Variants in WDR93 observed in about 807,000 individuals in gnomAD.
WDR93 encodes WD repeat-containing protein 93.
WDR93 carries 73 observed loss-of-function variants against 82.9 expected under a neutral mutation model. The observed-to-expected ratio is 0.88, with a 90% confidence interval of 0.73 to 1.07. The LOEUF (loss-of-function observed/expected upper bound fraction) is 1.07. WDR93 is among the 50% of genes least tolerant of loss of function. WDR93 has a pLI of 0.00. For missense variants in WDR93, 738 were observed against 826.0 expected, an observed-to-expected ratio of 0.89 and a Z score of 1.31; for synonymous variants, 283 against 300.1, an observed-to-expected ratio of 0.94 and a Z score of 0.59.
intron 4 of WDR93, among the ~76,000 whole-genome samples, chr15:89,710,655 A>G (rs577780738): frequency 6.6e-6 from 1 of 152,358 alleles, no homozygotes; most frequent in South Asian, 2.1e-4. Context: ...TGAGACCAGC[A>G]TAACTATGAT....
At chr15:89,690,454 T>C (rs1328364084), upstream of WDR93, 8 of 687,050 alleles carry the variant, frequency 1.2e-5, no homozygotes, top group African/African-American at 1.3e-4. Context: ...CCGTAGGAGC[T>C]GGCAACGTCC....
chr15:89,726,455 T>G (rs1165437994), intron 8 of WDR93, among the ~76,000 whole-genome samples: 1 of 152,214 alleles, frequency 6.6e-6, no homozygotes. Flanking sequence ...TAGAAAATTA[T>G]GCAGTTGTCT....
At chr15:89,742,069 T>C (rs1269519560) in intron 16 of WDR93, among the ~76,000 whole-genome samples, 2 of 152,010 alleles carry the variant, frequency 1.3e-5, no homozygotes, top group South Asian at 2.1e-4. Flanking sequence ...ATTTTTAAGA[T>C]AGCATTCACC....
chr15:89,721,015 T>C (rs1966503326), intron 7 of WDR93: 1 of 152,234 alleles, frequency 6.6e-6, no homozygotes, highest in African/African-American at 2.4e-5. Flanking sequence ...TGCTTAACAA[T>C]TTGGAATGTT....
At chr15:89,713,806 A>C (rs1966114670) in intron 5 of WDR93, among the ~76,000 whole-genome samples, 1 of 152,100 alleles carries the variant, frequency 6.6e-6, no homozygotes, top group African/African-American at 2.4e-5. Context: ...TTGTGTATTC[A>C]AGGAAACTTG....
chr15:89,705,896 A>G (rs1965705152), intron 4 of WDR93, among the ~76,000 whole-genome samples: 1 of 152,186 alleles, frequency 6.6e-6, no homozygotes. Flanking sequence ...TCTAATAAGT[A>G]CTCAAAAGTC....
intron 3 of WDR93, chr15:89,704,691 C>G (rs956384211): frequency 6.6e-6 from 1 of 152,076 alleles, no homozygotes; most frequent in Non-Finnish European, 1.5e-5. Flanking sequence ...CATGTGCAGA[C>G]TTGAGGCATC....
chr15:89,692,339 C>T (rs55798942), intron 1 of WDR93, among the ~76,000 whole-genome samples: 26,152 of 152,016 alleles, frequency 0.17, 2,405 homozygotes, highest in Middle Eastern at 0.23. Context: ...GAGCATATCT[C>T]CTTGGCCCCA....
chr15:89,736,343 G>A (rs1281518853), intron 14 of WDR93, among the ~76,000 whole-genome samples: 1 of 152,172 alleles, frequency 6.6e-6, no homozygotes, highest in Non-Finnish European at 1.5e-5. Context: ...CGGAGGGTGA[G>A]GGGCCTACAG....
rs952097646 is a variant in WDR93, at chr15:89,743,544, G to A, written c.*153G>A. 16 of 672,582 alleles carry A rather than the reference G, an allele frequency of 2.4e-5. No homozygotes were observed. The highest frequency in any genetic ancestry group is 3.5e-5 in the Non-Finnish European group (14 of 398,704). The allele number at this position is 672,582 out of a possible 1,614,324, so 41.7% of individuals were successfully genotyped here. A position where few individuals can be genotyped will look rare whatever the true frequency, so the allele number is the denominator to read the frequency against. On this transcript the variant is annotated 3_prime_UTR_variant, in exon 17 of 17. Transcript: ENST00000268130. ...CTCTGCAGAGCCAGCAAGGGGAAAAGTATAATCTGGGGGACCTTCAACCAC... is the reference window on the plus strand; with the variant it reads ...CTCTGCAGAGCCAGCAAGGGGAAAAATATAATCTGGGGGACCTTCAACCAC...
At chr15:89,723,731 G>A (rs943493192) in intron 8 of WDR93, among the ~76,000 whole-genome samples, 1 of 152,224 alleles carries the variant, frequency 6.6e-6, no homozygotes, top group Non-Finnish European at 1.5e-5. Context: ...TACAGAGGCA[G>A]CGCTATGGAG....
chr15:89,699,900 T>C (rs1373575667), intron 1 of WDR93, among the ~76,000 whole-genome samples: 1 of 152,246 alleles, frequency 6.6e-6, no homozygotes, highest in Non-Finnish European at 1.5e-5. Flanking sequence ...CTTTATTGAC[T>C]CTGGTTCAGC....
chr15:89,736,520 C>G (rs1796993065), intron 14 of WDR93, among the ~76,000 whole-genome samples: 1 of 152,108 alleles, frequency 6.6e-6, no homozygotes, highest in African/African-American at 2.4e-5. Context: ...ACTACCATCA[C>G]TTACAGGACC....
chr15:89,690,685 G>A (rs1182464064), upstream of WDR93: 1 of 1,317,188 alleles, frequency 7.6e-7, no homozygotes, highest in African/African-American at 1.5e-5. Context: ...TGGGTCCTCT[G>A]GGGCCCGTCG....
At chr15:89,696,350 G>T (rs534987363) in intron 1 of WDR93, among the ~76,000 whole-genome samples, 1 of 152,118 alleles carries the variant, frequency 6.6e-6, no homozygotes, top group South Asian at 2.1e-4. Context: ...CTATTATATG[G>T]ATATACCACA....
At position 89,701,719 on chromosome 15, in the gene WDR93, A is replaced by T. The variant is rs1275678999; in HGVS notation, c.-28A>T. 1.3e-6 allele frequency: 2 copies of T among 1,594,788 alleles called. No homozygotes were observed. The highest frequency in any genetic ancestry group is 4.5e-5 in the East Asian group (2 of 44,476). ...CTTCTCTTATCAGCTTTTCAGTTTC[A>T]TAGAGGTTCCCAGTGCCACCTTCTG... On this transcript the variant is annotated 5_prime_UTR_variant, in exon 2 of 17. Coordinates refer to ENST00000268130, the MANE Select transcript of WDR93 (RefSeq NM_020212.2).
At chr15:89,733,993 ATG>A (rs527967695) in intron 13 of WDR93, among the ~76,000 whole-genome samples, 285 of 149,110 alleles carry the variant, frequency 1.9e-3, no homozygotes, top group African/African-American at 3.4e-3. Context: ...AACCTGTATA[ATG>A]TGTGTGTGTG....
At chr15:89,733,330 C>T in intron 13 of WDR93, 111 bp downstream of exon 13, 1 of 985,620 alleles carries the variant, frequency 1.0e-6, no homozygotes, top group South Asian at 1.6e-5. Context: ...TTTGTATAGT[C>T]ATCACTCTCC....
intron 15 of WDR93, 22 bp from the exon 16 acceptor site, chr15:89,738,019 T>A: frequency 6.3e-7 from 1 of 1,589,756 alleles, no homozygotes; most frequent in Non-Finnish European, 8.6e-7. Flanking sequence ...ACACAGAACA[T>A]GGTGTTCTTG....
Sources: gnomAD v4.1 joint callset for allele counts (sites outside exome capture counted in the v4.1 genomes callset) on GRCh38, gnomAD v4.1.1 for gene constraint, MANE v1.5 for transcripts, NCBI Gene and HGNC (gene_info 2026-07-23, HGNC 2026-07-21) for gene names.